DOCK2: variants seen among roughly 807,000 people sequenced by gnomAD.
DOCK2 encodes the protein dedicator of cytokinesis protein 2.
DOCK2 carries 87 observed loss-of-function variants against 248.9 expected under a neutral mutation model. The ratio of observed to expected loss-of-function variants is 0.35; its 90% CI spans 0.29 to 0.42. The LOEUF (loss-of-function observed/expected upper bound fraction) is 0.42, where lower values mean the gene tolerates loss of function less well. Ranked by LOEUF, DOCK2 falls within the 10% of genes least tolerant of loss-of-function variation. The pLI is 1.00. For missense variants in DOCK2, 1,747 were observed against 2,300.2 expected, an observed-to-expected ratio of 0.76 and a Z score of 4.92; for synonymous variants, 805 against 821.6, an observed-to-expected ratio of 0.98 and a Z score of 0.35.
chr5:169,657,631 T>C (rs1758197362), intron 2 of DOCK2, among the ~76,000 whole-genome samples: 1 of 152,242 alleles, frequency 6.6e-6, no homozygotes, highest in Non-Finnish European at 1.5e-5. Flanking sequence ...TTCAGTCATA[T>C]TTGGTTGACA....
intron 27 of DOCK2, among the ~76,000 whole-genome samples, chr5:169,849,923 A>T (rs936593957): frequency 6.6e-6 from 1 of 152,226 alleles, no homozygotes; most frequent in Non-Finnish European, 1.5e-5. Context: ...AGTGTCAATG[A>T]ACACCTGCTA....
At chr5:169,642,172 C>G (rs1757189015) in intron 1 of DOCK2, among the ~76,000 whole-genome samples, 1 of 152,242 alleles carries the variant, frequency 6.6e-6, no homozygotes, top group Non-Finnish European at 1.5e-5. Context: ...CCAAATGCAA[C>G]AGTTGAAAGG....
chr5:169,820,597 T>A (rs1768367861), intron 26 of DOCK2, among the ~76,000 whole-genome samples: 1 of 152,102 alleles, frequency 6.6e-6, no homozygotes, highest in South Asian at 2.1e-4. Context: ...AGAATGGACA[T>A]CCACATCAAA....
chr5:169,941,194 A>C (rs1474656700), intron 27 of DOCK2, among the ~76,000 whole-genome samples: 1 of 151,962 alleles, frequency 6.6e-6, no homozygotes, highest in Admixed American at 6.6e-5. Context: ...GTGCTTTTTA[A>C]ATTTATTTAT....
chr5:169,666,449 G>A (rs1280566438), intron 2 of DOCK2, among the ~76,000 whole-genome samples: 1 of 152,192 alleles, frequency 6.6e-6, no homozygotes, highest in Non-Finnish European at 1.5e-5. Context: ...GAATTCAAAA[G>A]AGTGTTGAAC....
rs1310146501 is a variant in DOCK2, at chr5:169,998,999, G to T, written c.3072+2835G>T. 2.6e-5 allele frequency among the ~76,000 whole-genome samples: 4 copies of T among 152,278 alleles called. No individual in the cohort carries two copies. In the East Asian group the frequency reaches 5.8e-4, roughly 22 times the overall value. On this transcript the variant is annotated intron_variant, in intron 30 of 51. Coordinates refer to ENST00000520908, the MANE Select transcript of DOCK2 (RefSeq NM_004946.3). ...CTAGGGGCCAGAGGTGACAGGGTTT[G>T]GTCCATATAACTGCGAGCTAGTTTG...
chr5:169,675,050 G>A lies in DOCK2; in HGVS notation c.470+605G>A, dbSNP rs560272415. Among the ~76,000 whole-genome samples the A allele has an allele frequency of 1.6e-4, 24 of 152,316 alleles. No individual in the cohort carries two copies. In the South Asian group the frequency reaches 4.1e-3, roughly 26 times the overall value. ...AGGCTTGGTGCTAAGTGTTTTGCAG[G>A]CATTGTCTCATTTAATTCTTATAAT... On this transcript the variant is annotated intron_variant, in intron 6 of 51. Coordinates refer to ENST00000520908, the MANE Select transcript of DOCK2 (RefSeq NM_004946.3).
intron 27 of DOCK2, among the ~76,000 whole-genome samples, chr5:169,909,407 A>C (rs1048257635): frequency 6.6e-6 from 1 of 152,188 alleles, no homozygotes; most frequent in Admixed American, 6.5e-5. Context: ...GAAAGATGCT[A>C]TCCAATTTGC....
Position 169,699,691 on chromosome 5 carries a change from C to T in DOCK2, c.1132+233C>T, listed in dbSNP as rs1001549084. Among the ~76,000 whole-genome samples the T allele has an allele frequency of 9.2e-5, 14 of 152,342 alleles. No homozygotes were observed. The South Asian group carries it at 1.2e-3, about 14-fold the overall frequency. On this transcript the variant is annotated intron_variant, in intron 12 of 51. Transcript: ENST00000520908. The stretch of plus-strand genomic sequence containing the variant: ...GGAATTGATACATCCTGAATATCTC[C>T]GGTGTTCCGGGGGCACTTTAATAAG...
At chr5:169,736,775 A>G (rs1473706802) in intron 22 of DOCK2, among the ~76,000 whole-genome samples, 1 of 152,250 alleles carries the variant, frequency 6.6e-6, no homozygotes. Flanking sequence ...TGTCCCATGC[A>G]TACTGGGCCA....
rs150969388 is a variant in DOCK2 at position 169,684,229 on chromosome 5, C to T, written c.640C>T (p.Arg214Trp). ...KDQPDYAMYS[R>W]ISSSPTHSLY... ...CCAGCCAGATTATGCAATGTATTCC[C>T]GGATCTCCTCATCCCCCACCCATAG... The change falls in exon 8 of 52, where the codon CGG becomes TGG. Residue 214 changes from arginine to tryptophan, a missense_variant. This residue lies in a region of DOCK2 where 375 missense variants were observed against 510.9 expected (regional missense o/e 0.73). Coordinates refer to ENST00000520908, the MANE Select transcript of DOCK2 (RefSeq NM_004946.3). The T allele has an allele frequency of 2.4e-3, 3,816 of 1,614,122 alleles. 67 individuals are homozygous for T. The South Asian group carries it at 0.028, about 12-fold the overall frequency.
intron 26 of DOCK2, among the ~76,000 whole-genome samples, chr5:169,804,995 TA>T (rs1398722036): frequency 4.6e-5 from 7 of 152,302 alleles, no homozygotes; most frequent in African/African-American, 1.7e-4. Flanking sequence ...TTGATCTTTT[TA>T]AAAATTGTTT....
At chr5:169,652,560 C>A (rs893162636) in intron 1 of DOCK2, among the ~76,000 whole-genome samples, 2 of 152,194 alleles carry the variant, frequency 1.3e-5, no homozygotes, top group African/African-American at 4.8e-5. Flanking sequence ...AAAAACCCTG[C>A]GAGATAGGTA....
intron 27 of DOCK2, chr5:169,841,393 C>A (rs1021205980): frequency 1.0e-6 from 1 of 987,404 alleles, no homozygotes; most frequent in Non-Finnish European, 1.2e-6. Flanking sequence ...TTTCTTCTCC[C>A]GACACAGAAC....
At chr5:169,873,544 C>T (rs1171696439) in intron 27 of DOCK2, among the ~76,000 whole-genome samples, 1 of 152,186 alleles carries the variant, frequency 6.6e-6, no homozygotes, top group Non-Finnish European at 1.5e-5. Flanking sequence ...CTGTGGACTT[C>T]ATTGCTGGCC....
At chr5:170,045,779 G>A (rs1396254629) in intron 38 of DOCK2, 37 bp from the exon 39 acceptor site, 2 of 1,604,248 alleles carry the variant, frequency 1.2e-6, no homozygotes, top group South Asian at 2.2e-5. Context: ...AAACCCGGTG[G>A]TGCCACCTCA....
intron 2 of DOCK2, among the ~76,000 whole-genome samples, chr5:169,667,876 A>G (rs1758825035): frequency 6.6e-6 from 1 of 152,236 alleles, no homozygotes; most frequent in African/African-American, 2.4e-5. Context: ...CACTGAAAAT[A>G]GAATGTGATG....
At chr5:170,069,103 C>A in intron 45 of DOCK2, 34 bp from the exon 46 acceptor site, 1 of 1,596,880 alleles carries the variant, frequency 6.3e-7, no homozygotes, top group East Asian at 2.2e-5. Flanking sequence ...GCCACATGAA[C>A]AGGAAACCCT....
At chr5:169,694,920 A>G (rs1231445217) in intron 9 of DOCK2, among the ~76,000 whole-genome samples, 4 of 152,106 alleles carry the variant, frequency 2.6e-5, no homozygotes, top group African/African-American at 9.7e-5. Context: ...GGCTGCAGTG[A>G]GCTGTGATCA....
Sources: allele counts gnomAD v4.1 joint callset (sites outside exome capture counted in the v4.1 genomes callset), GRCh38; gene constraint gnomAD v4.1.1; regional missense constraint gnomAD v4.1.1; transcripts MANE v1.5; gene names NCBI Gene and HGNC (gene_info 2026-07-23, HGNC 2026-07-21).